BEND7: variants seen among roughly 807,000 people sequenced by gnomAD.
BEND7 encodes the protein BEN domain-containing protein 7.
Under a neutral mutation model 50.9 loss-of-function variants are expected in BEND7, and 28 were observed. The observed-to-expected ratio is 0.55, with a 90% CI of 0.41 to 0.75. The LOEUF (loss-of-function observed/expected upper bound fraction) is 0.75, where lower values mean the gene tolerates loss of function less well. BEND7 is among the 30% of genes least tolerant of loss of function. The pLI is 0.00. For synonymous variants in BEND7, 170 were observed against 183.9 expected (o/e 0.92, Z 0.61); for missense variants, 477 against 491.3 (o/e 0.97, Z 0.28).
intron 6 of BEND7, among the ~76,000 whole-genome samples, chr10:13,458,529 C>CA (rs1839528818): frequency 1.3e-5 from 2 of 152,196 alleles, no homozygotes; most frequent in African/African-American, 4.8e-5. Flanking sequence ...GCTGTGAAAT[C>CA]CTCTAAGAAC....
At chr10:13,483,690 T>C (rs1564332109) in intron 5 of BEND7, among the ~76,000 whole-genome samples, 1 of 152,112 alleles carries the variant, frequency 6.6e-6, no homozygotes, top group African/African-American at 2.4e-5. Context: ...CCTCCATGTG[T>C]AGGAATCTGA....
intron 6 of BEND7, chr10:13,459,537 A>G (rs1251261456): frequency 6.6e-6 from 1 of 152,240 alleles, no homozygotes; most frequent in Non-Finnish European, 1.5e-5. Context: ...AGAGGGTGGG[A>G]AAGAGCTAGA....
chr10:13,515,017 C>T (rs1008132999), intron 2 of BEND7, among the ~76,000 whole-genome samples: 3 of 152,252 alleles, frequency 2.0e-5, no homozygotes, highest in East Asian at 1.9e-4. Flanking sequence ...GGATATTATT[C>T]CTGGAACAGA....
intron 2 of BEND7, among the ~76,000 whole-genome samples, chr10:13,506,485 C>T (rs550469157): frequency 8.5e-5 from 13 of 152,210 alleles, no homozygotes; most frequent in East Asian, 1.9e-4. Context: ...GGAGCTGGAG[C>T]GCATAGTGAG....
intron 6 of BEND7, among the ~76,000 whole-genome samples, chr10:13,455,555 A>G (rs1432117891): frequency 1.3e-5 from 2 of 152,120 alleles, no homozygotes; most frequent in Non-Finnish European, 2.9e-5. Flanking sequence ...GCTGAGGGAC[A>G]GGGACTTGGG....
chr10:13,477,261 T>C (rs905536152), intron 6 of BEND7, among the ~76,000 whole-genome samples: 1 of 152,210 alleles, frequency 6.6e-6, no homozygotes, highest in South Asian at 2.1e-4. Context: ...CATATGTTCC[T>C]AGATAATAGG....
chr10:13,457,556 C>T (rs140669092), intron 6 of BEND7, among the ~76,000 whole-genome samples: 2 of 152,328 alleles, frequency 1.3e-5, no homozygotes, highest in Non-Finnish European at 2.9e-5. Flanking sequence ...CACCCTAGTT[C>T]ATGGATTACA....
intron 2 of BEND7, among the ~76,000 whole-genome samples, chr10:13,512,942 C>T (rs1458704085): frequency 1.3e-5 from 2 of 152,156 alleles, no homozygotes; most frequent in Non-Finnish European, 2.9e-5. Flanking sequence ...GCAACAGTAA[C>T]TTAAATCAGT....
chr10:13,502,371 T>C (rs2132266385), intron 2 of BEND7, among the ~76,000 whole-genome samples: 1 of 152,268 alleles, frequency 6.6e-6, no homozygotes, highest in South Asian at 2.1e-4. Flanking sequence ...TTGCTATGTG[T>C]TGTTGGCATA....
chr10:13,461,938 A>T (rs1564267471), intron 6 of BEND7, among the ~76,000 whole-genome samples: 1 of 152,120 alleles, frequency 6.6e-6, no homozygotes, highest in Non-Finnish European at 1.5e-5. Context: ...AAGAAAAGAA[A>T]AACAGGCCTG....
chr10:13,488,472 AT>A (rs2076403730), intron 5 of BEND7, among the ~76,000 whole-genome samples: 1 of 152,086 alleles, frequency 6.6e-6, no homozygotes, highest in Admixed American at 6.6e-5. Context: ...TGAAGAAAGA[AT>A]TAAATACTGT....
intron 2 of BEND7, among the ~76,000 whole-genome samples, chr10:13,510,779 T>C (rs902656277): frequency 6.6e-6 from 1 of 152,184 alleles, no homozygotes; most frequent in Non-Finnish European, 1.5e-5. Flanking sequence ...TTAAATAGCA[T>C]AATTCTATTT....
At chr10:13,516,613 C>A (rs1379395668) in intron 2 of BEND7, among the ~76,000 whole-genome samples, 1 of 152,148 alleles carries the variant, frequency 6.6e-6, no homozygotes, top group East Asian at 1.9e-4. Context: ...ATAGTCCCAG[C>A]TACTCGGGAG....
intron 2 of BEND7, among the ~76,000 whole-genome samples, chr10:13,501,152 AT>A (rs960338482): frequency 1.1e-4 from 17 of 152,096 alleles, no homozygotes; most frequent in African/African-American, 3.9e-4. Flanking sequence ...AGGCGGGTAG[AT>A]CACCTGAGGT....
At chr10:13,448,117 A>C (rs1836824085) in intron 7 of BEND7, among the ~76,000 whole-genome samples, 1 of 152,176 alleles carries the variant, frequency 6.6e-6, no homozygotes, top group South Asian at 2.1e-4. Context: ...TCCATTTCTA[A>C]GTTTTAAAAT....
chr10:13,529,159 C>G (rs1228109291), upstream of BEND7, among the ~76,000 whole-genome samples: 2 of 144,344 alleles, frequency 1.4e-5, no homozygotes, highest in Non-Finnish European at 3.1e-5. Context: ...CCTGGCCGCG[C>G]GGCGCCCCGA....
intron 6 of BEND7, among the ~76,000 whole-genome samples, chr10:13,456,229 T>C (rs1197755524): frequency 6.6e-6 from 1 of 152,100 alleles, no homozygotes; most frequent in Non-Finnish European, 1.5e-5. Flanking sequence ...TGTCAATGGG[T>C]TGGCAGGCAG....
chr10:13,484,138 G>A (rs1448160140), intron 5 of BEND7, among the ~76,000 whole-genome samples: 2 of 152,210 alleles, frequency 1.3e-5, no homozygotes, highest in East Asian at 3.9e-4. Flanking sequence ...TGGAGGCGGT[G>A]GTGGCAGCGG....
At chr10:13,525,481 C>A (rs1265590269) in intron 2 of BEND7, among the ~76,000 whole-genome samples, 2 of 152,190 alleles carry the variant, frequency 1.3e-5, no homozygotes, top group African/African-American at 4.8e-5. Context: ...AAGAGGAAAG[C>A]ATGCTGTTCC....
Sources: gnomAD v4.1 joint callset for allele counts (sites outside exome capture counted in the v4.1 genomes callset) on GRCh38, gnomAD v4.1.1 for gene constraint, MANE v1.5 for transcripts, NCBI Gene and HGNC (gene_info 2026-07-23, HGNC 2026-07-21) for gene names.